CACHD1: variants seen among roughly 807,000 people sequenced by gnomAD.
CACHD1 encodes cache domain containing 1, also known as VWFA and cache domain-containing protein 1.
Under a neutral mutation model 138.7 loss-of-function variants are expected in CACHD1, and 71 were observed. The ratio of observed to expected loss-of-function variants is 0.51; its 90% confidence interval spans 0.42 to 0.62. The LOEUF (loss-of-function observed/expected upper bound fraction) is 0.62. Among genes scored for constraint, CACHD1 ranks in the 20% least tolerant of loss-of-function variants. The pLI, the probability that CACHD1 is intolerant of heterozygous loss-of-function variation, is 0.00. For synonymous variants in CACHD1, 578 were observed against 591.5 expected, an observed-to-expected ratio of 0.98 and a Z score of 0.33; for missense variants, 1,389 against 1,625.3, an observed-to-expected ratio of 0.85 and a Z score of 2.50.
intron 3 of CACHD1, among the ~76,000 whole-genome samples, chr1:64,590,731 A>T (rs1437860829): frequency 6.6e-6 from 1 of 152,206 alleles, no homozygotes; most frequent in East Asian, 1.9e-4. Flanking sequence ...ATGAGCTTCT[A>T]TCATTTCTAA....
chr1:64,584,175 G>A (rs1321685146), intron 3 of CACHD1, among the ~76,000 whole-genome samples: 1 of 152,130 alleles, frequency 6.6e-6, no homozygotes, highest in African/African-American at 2.4e-5. Flanking sequence ...AAAGACATGT[G>A]GCAATGTCTG....
chr1:64,685,298 C>T (rs188100200), intron 26 of CACHD1, among the ~76,000 whole-genome samples: 44 of 152,186 alleles, frequency 2.9e-4, no homozygotes, highest in African/African-American at 8.7e-4. Context: ...GCCATATAGC[C>T]GAGGTGTGTA....
rs1646748879 is a variant in CACHD1, at chr1:64,550,286, A to G, written c.199-308A>G. On this transcript the variant is annotated intron_variant, in intron 1 of 26. Coordinates refer to ENST00000651257, the MANE Select transcript of CACHD1 (RefSeq NM_020925.4). ...GCGCAGGATTTAAATGAGAAACACA[A>G]CTTGGTCAGATTATACTAGTCGGAT... 2.0e-5 allele frequency among the ~76,000 whole-genome samples: 3 copies of G among 152,172 alleles called. No homozygotes were observed. In the South Asian group the frequency reaches 6.2e-4, roughly 32 times the overall value.
intron 2 of CACHD1, among the ~76,000 whole-genome samples, chr1:64,567,618 T>C (rs886639969): frequency 6.6e-6 from 1 of 152,140 alleles, no homozygotes; most frequent in African/African-American, 2.4e-5. Context: ...AATTAGGTGA[T>C]AGGATTGGGA....
intron 20 of CACHD1, 84 bp from the exon 21 acceptor site, chr1:64,675,813 T>C: frequency 1.1e-6 from 1 of 894,164 alleles, no homozygotes; most frequent in South Asian, 2.0e-5. Flanking sequence ...AGCTCAGAGC[T>C]TCATTATTTT....
chr1:64,598,117 G>C (rs1222797502), intron 3 of CACHD1, among the ~76,000 whole-genome samples: 1 of 152,148 alleles, frequency 6.6e-6, no homozygotes, highest in Non-Finnish European at 1.5e-5. Context: ...CCGGAGTCCA[G>C]AAAAAGCGGC....
chr1:64,579,630 T>TG (rs1287397184), intron 2 of CACHD1, among the ~76,000 whole-genome samples: 1 of 152,204 alleles, frequency 6.6e-6, no homozygotes, highest in African/African-American at 2.4e-5. Context: ...TGCTTCTTGA[T>TG]GGAGCTTCCA....
At chr1:64,572,794 G>T (rs1023537036) in intron 2 of CACHD1, among the ~76,000 whole-genome samples, 10 of 152,148 alleles carry the variant, frequency 6.6e-5, no homozygotes, top group African/African-American at 2.4e-4. Context: ...AAATCTTTCT[G>T]GTCCACCTGC....
intron 1 of CACHD1, among the ~76,000 whole-genome samples, chr1:64,536,320 T>G (rs1646632305): frequency 1.3e-5 from 2 of 152,152 alleles, no homozygotes; most frequent in Admixed American, 1.3e-4. Flanking sequence ...CCAACTTCCT[T>G]GCTTCCAGAA....
chr1:64,647,599 A>C (rs1648950517), intron 8 of CACHD1, among the ~76,000 whole-genome samples: 1 of 152,036 alleles, frequency 6.6e-6, no homozygotes, highest in Admixed American at 6.6e-5. Flanking sequence ...TCCCCTCTTG[A>C]CTATTTCAGG....
At chr1:64,600,946 T>A (rs1476833554) in intron 3 of CACHD1, among the ~76,000 whole-genome samples, 1 of 152,170 alleles carries the variant, frequency 6.6e-6, no homozygotes, top group East Asian at 1.9e-4. Flanking sequence ...AAATTTAGTG[T>A]CTCTGTTATG....
chr1:64,593,040 G>C (rs751045163), intron 3 of CACHD1, among the ~76,000 whole-genome samples: 2 of 152,174 alleles, frequency 1.3e-5, no homozygotes, highest in Non-Finnish European at 2.9e-5. Context: ...ACTAAAGGGT[G>C]AAAAGAGGAG....
chr1:64,686,798 C>A (rs920583714), intron 26 of CACHD1, among the ~76,000 whole-genome samples: 1 of 152,154 alleles, frequency 6.6e-6, no homozygotes, highest in Admixed American at 6.5e-5. Flanking sequence ...TAGTTTGTGG[C>A]AAATTCCAAA....
chr1:64,653,644 A>G, intron 10 of CACHD1, 114 bp from the exon 11 acceptor site: 1 of 994,038 alleles, frequency 1.0e-6, no homozygotes, highest in Non-Finnish European at 1.5e-6. Flanking sequence ...GAGTTGCAGA[A>G]TGAGAAGTTG....
chr1:64,637,920 C>G (rs1648578438), intron 7 of CACHD1, among the ~76,000 whole-genome samples: 1 of 152,190 alleles, frequency 6.6e-6, no homozygotes, highest in Admixed American at 6.5e-5. Context: ...GTGTTCTACT[C>G]TGAAATTTTT....
At chr1:64,618,039 CATTGCGCTCCAGCTTGGGCA>C (rs1393752220) in intron 4 of CACHD1, among the ~76,000 whole-genome samples, 1 of 149,684 alleles carries the variant, frequency 6.7e-6, no homozygotes, top group Non-Finnish European at 1.5e-5. Context: ...AAGATCATGC[CATTGCGCTCCAGCTTGGGCA>C]ACAAGAGTGA....
intron 1 of CACHD1, among the ~76,000 whole-genome samples, chr1:64,537,469 C>G (rs761984793): frequency 2.8e-4 from 43 of 152,288 alleles, no homozygotes; most frequent in Non-Finnish European, 5.0e-4. Flanking sequence ...ATCACTTTCT[C>G]AAGGACCCAA....
At chr1:64,529,694 C>T (rs1646566823) in intron 1 of CACHD1, among the ~76,000 whole-genome samples, 1 of 152,178 alleles carries the variant, frequency 6.6e-6, no homozygotes, top group South Asian at 2.1e-4. Context: ...GGCCACTCAG[C>T]TAGTATTCAG....
chr1:64,545,427 TG>T (rs1157684871), intron 1 of CACHD1, among the ~76,000 whole-genome samples: 1 of 152,250 alleles, frequency 6.6e-6, no homozygotes, highest in Non-Finnish European at 1.5e-5. Context: ...AGATTAGTTT[TG>T]CCTGGTTTTG....
Sources: allele counts gnomAD v4.1 joint callset (sites outside exome capture counted in the v4.1 genomes callset), GRCh38; gene constraint gnomAD v4.1.1; transcripts MANE v1.5; gene names NCBI Gene and HGNC (gene_info 2026-07-23, HGNC 2026-07-21).